The following YEATS2 variants were observed in gnomAD, a reference collection of about 807,000 sequenced individuals.
YEATS2 encodes YEATS domain-containing protein 2.
Under a neutral mutation model 163.2 loss-of-function variants are expected in YEATS2, and 77 were observed. The observed-to-expected ratio is 0.47, with a 90% CI of 0.39 to 0.57. The LOEUF is 0.57. Ranked by LOEUF, YEATS2 falls within the 20% of genes least tolerant of loss-of-function variation. YEATS2 has a pLI of 0.00. For missense variants in YEATS2, 1,549 were observed against 1,729.8 expected, an observed-to-expected ratio of 0.90 and a Z score of 1.85; for synonymous variants, 631 against 645.1, an observed-to-expected ratio of 0.98 and a Z score of 0.33.
chr3:183,730,633 T>G (rs920773724), intron 7 of YEATS2, among the ~76,000 whole-genome samples: 2 of 152,102 alleles, frequency 1.3e-5, no homozygotes, highest in Non-Finnish European at 2.9e-5. Flanking sequence ...CAAGGGTGAC[T>G]GGGGAAATTA....
intron 21 of YEATS2, among the ~76,000 whole-genome samples, chr3:183,796,504 A>T (rs920462515): frequency 3.3e-5 from 5 of 151,120 alleles, no homozygotes; most frequent in African/African-American, 1.2e-4. Context: ...GATGTTTGAA[A>T]AACAAAGGCT....
Position 183,727,504 on chromosome 3 carries a change from A to G in YEATS2, c.651-1186A>G, listed in dbSNP as rs186637865. Among the ~76,000 whole-genome samples the G allele has an allele frequency of 8.1e-4, 124 of 152,212 alleles. 1 individual carries two copies. Among genetic ancestry groups the G allele is most frequent in the Non-Finnish European group, 1.5e-4 (10 of 68,016 alleles). On this transcript the variant is annotated intron_variant, in intron 6 of 30. Coordinates refer to ENST00000305135, the MANE Select transcript of YEATS2 (RefSeq NM_018023.5). ...TGTTAAAATCCCATCAGGGTTCATGACTTTCATGAGCTGGAAGAGTAAAGG... is the reference window on the plus strand; with the variant it reads ...TGTTAAAATCCCATCAGGGTTCATGGCTTTCATGAGCTGGAAGAGTAAAGG...
intron 7 of YEATS2, among the ~76,000 whole-genome samples, chr3:183,733,442 T>G (rs1307996118): frequency 6.6e-6 from 1 of 152,242 alleles, no homozygotes; most frequent in Non-Finnish European, 1.5e-5. Context: ...ATACTCCAGT[T>G]TATCTATATT....
chr3:183,769,795 C>T (rs957835904), intron 15 of YEATS2, among the ~76,000 whole-genome samples: 2 of 152,052 alleles, frequency 1.3e-5, no homozygotes, highest in East Asian at 2.0e-4. Flanking sequence ...CAGGTTCAAG[C>T]GATTCTGCTG....
At chr3:183,761,432 A>T (rs574649349) in intron 13 of YEATS2, 75 bp from the exon 14 acceptor site, 2 of 1,316,834 alleles carry the variant, frequency 1.5e-6, no homozygotes, top group African/African-American at 2.9e-5. Context: ...ACAGGTTTGT[A>T]TTAAATATAA....
rs546863960 is a variant in YEATS2 at position 183,708,542 on chromosome 3, C to A, written c.-19-6602C>A. ...CAATTTTCTTTTCAAAATTATTTTT[C>A]TCTTGGGTTTTATTTTAAAGTATAA... On this transcript the variant is annotated intron_variant, in intron 1 of 30. Coordinates refer to ENST00000305135, the MANE Select transcript of YEATS2 (RefSeq NM_018023.5). Among the ~76,000 whole-genome samples, 3 of 152,030 alleles carry A rather than the reference C, an allele frequency of 2.0e-5. No homozygotes were observed. The East Asian group carries it at 5.8e-4, about 29-fold the overall frequency.
chr3:183,793,184 A>G, intron 21 of YEATS2: 1 of 1,286,992 alleles, frequency 7.8e-7, no homozygotes, highest in Non-Finnish European at 1.0e-6. Flanking sequence ...AGATACACAC[A>G]CACACTCACG....
intron 1 of YEATS2, among the ~76,000 whole-genome samples, chr3:183,714,197 ATTT>A (rs761078586): frequency 7.2e-6 from 1 of 138,516 alleles, no homozygotes; most frequent in African/African-American, 2.7e-5. Flanking sequence ...GATTTATGGG[ATTT>A]TTTTTTTTTT....
At position 183,752,261 on chromosome 3, in the gene YEATS2, A is replaced by T; in HGVS notation, c.1150+8A>T. 1 of 1,614,104 alleles carries T rather than the reference A, an allele frequency of 6.2e-7. No individual in the cohort carries two copies. Among genetic ancestry groups the T allele is most frequent in the Non-Finnish European group, 8.5e-7 (1 of 1,179,962 alleles). On this transcript the variant is annotated splice_region_variant and intron_variant, in intron 10 of 30. Transcript: ENST00000305135. ...ATACCTCTGTGGAGAAAGGTAATAC[A>T]GCAGTTTTCCTTGCATAGCGTTGTT... is the stretch of plus-strand genomic sequence containing the variant.
intron 17 of YEATS2, 146 bp downstream of exon 17, chr3:183,773,940 A>T: frequency 1.1e-6 from 1 of 916,116 alleles, no homozygotes. Flanking sequence ...GCTCAGATGG[A>T]TTTAACACAT....
chr3:183,733,272 A>G (rs924925796), intron 7 of YEATS2, among the ~76,000 whole-genome samples: 5 of 152,224 alleles, frequency 3.3e-5, no homozygotes, highest in Admixed American at 3.3e-4. Context: ...TAAGCTTTTC[A>G]TATGCTTTAT....
At chr3:183,705,381 CTT>C (rs1275526445) in intron 1 of YEATS2, among the ~76,000 whole-genome samples, 1 of 152,090 alleles carries the variant, frequency 6.6e-6, no homozygotes, top group African/African-American at 2.4e-5. Flanking sequence ...TTGTCTTAAT[CTT>C]TTAAATTTTA....
At chr3:183,763,540 G>A (rs1721593925) in intron 15 of YEATS2, among the ~76,000 whole-genome samples, 1 of 152,166 alleles carries the variant, frequency 6.6e-6, no homozygotes, top group African/African-American at 2.4e-5. Context: ...CCTGGAGGGT[G>A]GGGATTTTCA....
chr3:183,700,885 G>C (rs940777373), intron 1 of YEATS2, among the ~76,000 whole-genome samples: 1 of 151,858 alleles, frequency 6.6e-6, no homozygotes, highest in Non-Finnish European at 1.5e-5. Flanking sequence ...AGTTGCCAGG[G>C]GGATGAAGGG....
rs192649831 is a variant in YEATS2 at position 183,804,142 on chromosome 3, C to T, written c.3738C>T (p.Asp1246=). The T allele has an allele frequency of 4.7e-4, 761 of 1,614,120 alleles. 4 individuals carry two copies. In the African/African-American group the frequency reaches 8.2e-3, roughly 17 times the overall value. Residue 1246 remains aspartate (D), a synonymous_variant, in exon 27 of 31, where the codon GAC becomes GAT. Transcript: ENST00000305135. The stretch of plus-strand genomic sequence containing the variant: ...CGGACCCTGAGAGCCTGAGGAATGA[C>T]GGGGACTCCATCGAGGACGTGCTGA... ...TPPDPESLRN[D]GDSIEDVLTQ...
At position 183,810,662 on chromosome 3, in the gene YEATS2, A is replaced by G. The variant is rs1444007882; in HGVS notation, c.*79A>G. On this transcript the variant is annotated 3_prime_UTR_variant, in exon 31 of 31. Coordinates refer to ENST00000305135, the MANE Select transcript of YEATS2 (RefSeq NM_018023.5). ...CTGAGGACCCTGCTGCTCGGGAAGG[A>G]GGTGGTTTCCAGTGTGACTCGGCAT... 2 of 1,368,146 alleles carry G rather than the reference A, an allele frequency of 1.5e-6. No homozygotes were observed. The highest frequency in any genetic ancestry group is 2.9e-5 in the African/African-American group (2 of 68,702). The allele number at this position is 1,368,146 out of a possible 1,614,324, so 84.8% of individuals were successfully genotyped here.
intron 25 of YEATS2, chr3:183,802,535 G>GTATATATATACACGTGTATA (rs11276625): frequency 7.0e-6 from 1 of 142,222 alleles, no homozygotes; most frequent in Non-Finnish European, 1.5e-5. Context: ...ATATACACGT[G>GTATATATATACACGTGTATA]TATATACACA....
At chr3:183,787,557 C>G (rs981915135) in intron 20 of YEATS2, among the ~76,000 whole-genome samples, 1 of 151,990 alleles carries the variant, frequency 6.6e-6, no homozygotes, top group African/African-American at 2.4e-5. Context: ...GTCTTTTAAT[C>G]GTTGAAGTGT....
chr3:183,758,486 G>A (rs933000144), intron 12 of YEATS2, among the ~76,000 whole-genome samples: 1 of 152,188 alleles, frequency 6.6e-6, no homozygotes, highest in African/African-American at 2.4e-5. Flanking sequence ...ATGTTGTAGT[G>A]TCTTTTATTG....
Sources: gnomAD v4.1 joint callset for allele counts (sites outside exome capture counted in the v4.1 genomes callset) on GRCh38, gnomAD v4.1.1 for gene constraint, MANE v1.5 for transcripts, NCBI Gene and HGNC (gene_info 2026-07-23, HGNC 2026-07-21) for gene names.